Variants in SPOCK1 observed in about 807,000 individuals in gnomAD.
SPOCK1 encodes testican-1.
In SPOCK1, 23 loss-of-function variants were observed where a neutral mutation model predicts 55.3. That is an observed-to-expected ratio of 0.42 (90% CI 0.30 to 0.59). SPOCK1 has a LOEUF of 0.59. SPOCK1 is among the 20% of genes least tolerant of loss of function. The pLI is 0.22. For synonymous variants in SPOCK1, 226 were observed against 221.0 expected, an observed-to-expected ratio of 1.02 and a Z score of -0.20; for missense variants, 499 against 552.5, an observed-to-expected ratio of 0.90 and a Z score of 0.97.
intron 6 of SPOCK1, among the ~76,000 whole-genome samples, chr5:137,003,613 C>A (rs767848860): frequency 6.6e-6 from 1 of 152,110 alleles, no homozygotes; most frequent in Non-Finnish European, 1.5e-5. Context: ...ATGTACAAGT[C>A]TCTATTTCTA....
intron 2 of SPOCK1, among the ~76,000 whole-genome samples, chr5:137,460,818 T>C (rs1307191293): frequency 1.3e-5 from 2 of 152,178 alleles, no homozygotes; most frequent in Non-Finnish European, 2.9e-5. Flanking sequence ...CCTTCTTTTA[T>C]TCCTCAAACA....
intron 8 of SPOCK1, 83 bp from the exon 9 acceptor site, chr5:136,985,285 G>A: frequency 3.9e-6 from 5 of 1,291,376 alleles, no homozygotes; most frequent in Non-Finnish European, 5.6e-6. Context: ...GATGTGAAAT[G>A]TAGACAATGA....
chr5:137,277,869 C>T (rs1266989089), intron 2 of SPOCK1, among the ~76,000 whole-genome samples: 1 of 152,160 alleles, frequency 6.6e-6, no homozygotes, highest in Non-Finnish European at 1.5e-5. Context: ...GCCCCAAGAG[C>T]AGGCCGGCAG....
intron 2 of SPOCK1, among the ~76,000 whole-genome samples, chr5:137,277,724 G>A (rs980071120): frequency 2.0e-4 from 30 of 152,150 alleles, no homozygotes; most frequent in Non-Finnish European, 8.8e-5. Flanking sequence ...GTGGACAGCC[G>A]GTCTATCTGT....
chr5:137,223,499 A>G (rs1180541087), intron 3 of SPOCK1, among the ~76,000 whole-genome samples: 1 of 152,160 alleles, frequency 6.6e-6, no homozygotes, highest in Non-Finnish European at 1.5e-5. Flanking sequence ...TTGACTACGT[A>G]GTTGGCTGTC....
At chr5:137,479,700 G>A (rs1561546585) in intron 2 of SPOCK1, among the ~76,000 whole-genome samples, 1 of 152,220 alleles carries the variant, frequency 6.6e-6, no homozygotes. Flanking sequence ...CTGGGACAAC[G>A]CAGATCAGAG....
At chr5:137,039,610 C>T (rs969915945) in intron 6 of SPOCK1, among the ~76,000 whole-genome samples, 1 of 152,186 alleles carries the variant, frequency 6.6e-6, no homozygotes. Flanking sequence ...AGGTCCCACG[C>T]CCCCATGGGC....
intron 2 of SPOCK1, among the ~76,000 whole-genome samples, chr5:137,303,767 C>G (rs1301271280): frequency 6.6e-6 from 1 of 152,198 alleles, no homozygotes; most frequent in East Asian, 1.9e-4. Context: ...GGACAAAGGC[C>G]TGGAGACCAG....
rs1852792 is a variant in SPOCK1 at position 137,354,273 on chromosome 5, G to C, written c.187-87218C>G. Among the ~76,000 whole-genome samples the C allele has an allele frequency of 5.0e-3, 764 of 152,156 alleles. 11 individuals carry two copies. Among genetic ancestry groups the C allele is most frequent in the African/African-American group, 0.018 (735 of 41,500 alleles). On this transcript the variant is annotated intron_variant, in intron 2 of 10. Coordinates refer to ENST00000394945, the MANE Select transcript of SPOCK1 (RefSeq NM_004598.4). Reference sequence around the variant, plus strand: ...CATTCCTATACTTACATCCTTCAATGCAGCCAAATCTTATCAGAATAGTGG... The same window carrying C: ...CATTCCTATACTTACATCCTTCAATCCAGCCAAATCTTATCAGAATAGTGG...
At chr5:137,105,811 A>C (rs1162126532) in intron 5 of SPOCK1, among the ~76,000 whole-genome samples, 1 of 152,192 alleles carries the variant, frequency 6.6e-6, no homozygotes, top group Non-Finnish European at 1.5e-5. Flanking sequence ...TTCTGTGTCG[A>C]GACATAATTG....
chr5:136,992,385 T>C, intron 7 of SPOCK1, 99 bp downstream of exon 7: 1 of 916,594 alleles, frequency 1.1e-6, no homozygotes, highest in Non-Finnish European at 1.6e-6. Context: ...TCAAAGTATA[T>C]ATTTAATGTA....
At chr5:137,436,696 G>A (rs1752872245) in intron 2 of SPOCK1, among the ~76,000 whole-genome samples, 2 of 152,168 alleles carry the variant, frequency 1.3e-5, no homozygotes. Context: ...ACATTACTTT[G>A]GAAAGAACTG....
intron 3 of SPOCK1, among the ~76,000 whole-genome samples, chr5:137,242,451 G>A (rs796082289): frequency 1.3e-5 from 2 of 152,268 alleles, no homozygotes; most frequent in African/African-American, 4.8e-5. Context: ...CTGCCATGAT[G>A]GTGAGGCTTC....
chr5:137,432,565 T>C (rs1207659564), intron 2 of SPOCK1, among the ~76,000 whole-genome samples: 1 of 152,122 alleles, frequency 6.6e-6, no homozygotes. Context: ...GTAGTCAAAC[T>C]ATTCACAGAG....
At chr5:137,305,607 C>T (rs925624981) in intron 2 of SPOCK1, among the ~76,000 whole-genome samples, 6 of 152,238 alleles carry the variant, frequency 3.9e-5, no homozygotes, top group Admixed American at 3.3e-4. Flanking sequence ...AACATTTAAT[C>T]TACACCATCT....
intron 2 of SPOCK1, among the ~76,000 whole-genome samples, chr5:137,462,312 T>C (rs34732586): frequency 0.011 from 1,647 of 152,348 alleles, 20 homozygotes; most frequent in Middle Eastern, 0.027. Context: ...CTGCTTTTCC[T>C]CTGGCAGCAG....
At chr5:137,386,154 C>T (rs1038917279) in intron 2 of SPOCK1, among the ~76,000 whole-genome samples, 2 of 152,086 alleles carry the variant, frequency 1.3e-5, no homozygotes, top group Non-Finnish European at 2.9e-5. Context: ...AAATGAAATA[C>T]TCAAGTATAA....
At chr5:137,246,957 G>A (rs191016711) in intron 3 of SPOCK1, among the ~76,000 whole-genome samples, 193 of 152,228 alleles carry the variant, frequency 1.3e-3, no homozygotes, top group Admixed American at 2.9e-3. Context: ...TAATCTCCGC[G>A]GGTGGAGCCC....
chr5:137,253,242 CTG>C (rs1756570862), intron 3 of SPOCK1, among the ~76,000 whole-genome samples: 1 of 152,206 alleles, frequency 6.6e-6, no homozygotes, highest in Admixed American at 6.5e-5. Context: ...ATTCATGAAA[CTG>C]AAGCTCTACA....
Sources: gnomAD v4.1 joint callset for allele counts (sites outside exome capture counted in the v4.1 genomes callset) on GRCh38, gnomAD v4.1.1 for gene constraint, MANE v1.5 for transcripts, NCBI Gene and HGNC (gene_info 2026-07-23, HGNC 2026-07-21) for gene names.